NCAM1: variants seen among roughly 807,000 people sequenced by gnomAD.
NCAM1 encodes antigen recognized by monoclonal antibody 5.1H11.
In NCAM1, 14 loss-of-function variants were observed where a neutral mutation model predicts 109.8. The observed-to-expected ratio is 0.13, with a 90% CI of 0.08 to 0.20. The LOEUF (loss-of-function observed/expected upper bound fraction) is 0.20, where lower values mean the gene tolerates loss of function less well. NCAM1 is among the 10% of genes least tolerant of loss of function. The pLI, the probability that NCAM1 is intolerant of heterozygous loss-of-function variation, is 1.00. For synonymous variants in NCAM1, 418 were observed against 442.9 expected (o/e 0.94, Z 0.70); for missense variants, 774 against 1,109.9 (o/e 0.70, Z 4.30).
At chr11:113,039,772 A>G (rs1469049654) in intron 1 of NCAM1, among the ~76,000 whole-genome samples, 2 of 152,244 alleles carry the variant, frequency 1.3e-5, no homozygotes, top group Non-Finnish European at 2.9e-5. Flanking sequence ...GAAATAGCTG[A>G]AACTAATTTT....
At chr11:113,124,461 T>G (rs1040585567) in intron 1 of NCAM1, among the ~76,000 whole-genome samples, 1 of 152,196 alleles carries the variant, frequency 6.6e-6, no homozygotes, top group African/African-American at 2.4e-5. Context: ...CTGACACTTT[T>G]AAATCCAGCC....
chr11:113,240,155 C>A (rs1555118894), intron 14 of NCAM1, among the ~76,000 whole-genome samples: 1 of 152,156 alleles, frequency 6.6e-6, no homozygotes, highest in Non-Finnish European at 1.5e-5. Context: ...ACGTAGCAGC[C>A]TCCAAATAAC....
At chr11:113,124,288 G>A (rs1407595245) in intron 1 of NCAM1, among the ~76,000 whole-genome samples, 6 of 152,140 alleles carry the variant, frequency 3.9e-5, no homozygotes, top group East Asian at 1.9e-4. Flanking sequence ...AAGCTTTTCC[G>A]GAGGTGTCTT....
intron 1 of NCAM1, among the ~76,000 whole-genome samples, chr11:112,973,860 T>C (rs1206337740): frequency 1.3e-5 from 2 of 152,128 alleles, no homozygotes; most frequent in Non-Finnish European, 2.9e-5. Flanking sequence ...TGCAACTGAG[T>C]TGGAAATGCC....
intron 1 of NCAM1, among the ~76,000 whole-genome samples, chr11:113,065,841 G>C (rs980200197): frequency 6.6e-6 from 1 of 152,126 alleles, no homozygotes; most frequent in Non-Finnish European, 1.5e-5. Flanking sequence ...CATCAATATT[G>C]GTTCATTAAT....
intron 1 of NCAM1, among the ~76,000 whole-genome samples, chr11:113,162,589 T>TA (rs1171374464): frequency 2.6e-5 from 4 of 152,286 alleles, no homozygotes; most frequent in East Asian, 1.9e-4. Context: ...AAATAACATT[T>TA]AAAAAAATTG....
intron 1 of NCAM1, among the ~76,000 whole-genome samples, chr11:113,078,881 A>G (rs951289983): frequency 2.0e-5 from 3 of 152,124 alleles, no homozygotes; most frequent in African/African-American, 4.8e-5. Context: ...ATATTTTTGC[A>G]TGGCAACTTG....
At chr11:113,221,256 T>G in intron 8 of NCAM1, 40 bp from the exon 9 acceptor site, 1 of 1,551,180 alleles carries the variant, frequency 6.4e-7, no homozygotes, top group Non-Finnish European at 8.7e-7. Context: ...TGTAAAATTT[T>G]ACTGCTTTCT....
At chr11:113,173,609 T>C (rs1197157561) in intron 1 of NCAM1, among the ~76,000 whole-genome samples, 1 of 140,350 alleles carries the variant, frequency 7.1e-6, no homozygotes, top group Non-Finnish European at 1.5e-5. Flanking sequence ...TATATATATA[T>C]ATATATATAT....
At chr11:113,237,957 G>GATATATATATAGATAT (rs782552148) in intron 14 of NCAM1, among the ~76,000 whole-genome samples, 1 of 140,048 alleles carries the variant, frequency 7.1e-6, no homozygotes, top group East Asian at 2.0e-4. Context: ...TAGATATATA[G>GATATATATATAGATAT]ATAGATAGAT....
intron 1 of NCAM1, among the ~76,000 whole-genome samples, chr11:112,996,438 G>A (rs1216286246): frequency 6.6e-6 from 1 of 152,114 alleles, no homozygotes; most frequent in Non-Finnish European, 1.5e-5. Flanking sequence ...ACATTGGTAA[G>A]GCATTCACTG....
intron 1 of NCAM1, among the ~76,000 whole-genome samples, chr11:113,073,810 T>C (rs1938404484): frequency 6.6e-6 from 1 of 152,240 alleles, no homozygotes; most frequent in Non-Finnish European, 1.5e-5. Flanking sequence ...CTGCTCTTAT[T>C]TCTTCTGATC....
intron 1 of NCAM1, among the ~76,000 whole-genome samples, chr11:112,964,886 C>T (rs1310396933): frequency 6.6e-6 from 1 of 152,166 alleles, no homozygotes; most frequent in South Asian, 2.1e-4. Flanking sequence ...ACATTGTAGA[C>T]GTGTGGGCTA....
At chr11:113,203,743 A>G (rs1555112321) in intron 2 of NCAM1, among the ~76,000 whole-genome samples, 1 of 152,244 alleles carries the variant, frequency 6.6e-6, no homozygotes, top group East Asian at 1.9e-4. Context: ...TTGTGCAGGC[A>G]GATGCTAGAA....
intron 17 of NCAM1, 32 bp from the exon 18 acceptor site, chr11:113,270,156 G>T (rs782510919): frequency 8.1e-6 from 13 of 1,610,318 alleles, no homozygotes; most frequent in Non-Finnish European, 4.2e-6. Flanking sequence ...ATCTCAGTCT[G>T]TTAACCACCA....
intron 1 of NCAM1, among the ~76,000 whole-genome samples, chr11:112,985,977 A>G (rs1049068923): frequency 2.0e-5 from 3 of 151,978 alleles, no homozygotes; most frequent in Admixed American, 6.6e-5. Flanking sequence ...ATAGGCATCC[A>G]TATCTTGTTC....
At chr11:113,009,351 G>T (rs782334810) in intron 1 of NCAM1, among the ~76,000 whole-genome samples, 3 of 93,368 alleles carry the variant, frequency 3.2e-5, no homozygotes, top group African/African-American at 1.2e-4. Flanking sequence ...TATTGAGATG[G>T]TCTCACTCTG....
intron 1 of NCAM1, among the ~76,000 whole-genome samples, chr11:112,976,588 C>G (rs1555067730): frequency 6.6e-6 from 1 of 151,760 alleles, no homozygotes; most frequent in Admixed American, 6.6e-5. Flanking sequence ...ACAAAAATGT[C>G]TGGAATGACT....
chr11:113,197,220 G>A (rs539504443), intron 1 of NCAM1: 2 of 253,294 alleles, frequency 7.9e-6, no homozygotes, highest in South Asian at 3.8e-5. Flanking sequence ...GATTTGGGTG[G>A]GGACACAGAG....
Sources: gnomAD v4.1 joint callset for allele counts (sites outside exome capture counted in the v4.1 genomes callset) on GRCh38, gnomAD v4.1.1 for gene constraint, MANE v1.5 for transcripts, NCBI Gene and HGNC (gene_info 2026-07-23, HGNC 2026-07-21) for gene names.